PLCE1: variants seen among roughly 807,000 people sequenced by gnomAD.
PLCE1 encodes 1-phosphatidylinositol 4,5-bisphosphate phosphodiesterase epsilon-1.
A neutral mutation model predicts 242.8 loss-of-function variants in PLCE1; 119 were observed. The observed-to-expected ratio is 0.49, with a 90% CI of 0.42 to 0.57. The LOEUF is 0.57. Ranked by LOEUF, PLCE1 falls within the 20% of genes least tolerant of loss-of-function variation. The pLI is 0.00. For missense variants in PLCE1, 2,441 were observed against 2,788.8 expected, an observed-to-expected ratio of 0.88 and a Z score of 2.81; for synonymous variants, 945 against 1,017.4, an observed-to-expected ratio of 0.93 and a Z score of 1.35.
At chr10:93,997,632 CTTTTTTTTT>C (rs34338995) in intron 1 of PLCE1, among the ~76,000 whole-genome samples, 1 of 79,872 alleles carries the variant, frequency 1.3e-5, no homozygotes, top group Admixed American at 1.5e-4. Context: ...AATAACCATC[CTTTTTTTTT>C]TTTTTTTTTT....
chr10:94,195,061 T>C (rs2048777405), intron 4 of PLCE1, among the ~76,000 whole-genome samples: 1 of 152,172 alleles, frequency 6.6e-6, no homozygotes, highest in African/African-American at 2.4e-5. Context: ...AGGAACTTTA[T>C]CTAAAGTAAA....
At chr10:94,272,130 A>G (rs2051768501) in intron 18 of PLCE1, among the ~76,000 whole-genome samples, 1 of 152,180 alleles carries the variant, frequency 6.6e-6, no homozygotes, top group Admixed American at 6.5e-5. Context: ...CCTCAAATTT[A>G]CCAGGGCTGG....
intron 4 of PLCE1, among the ~76,000 whole-genome samples, chr10:94,216,542 G>A (rs2049535571): frequency 1.3e-5 from 2 of 152,136 alleles, no homozygotes; most frequent in South Asian, 2.1e-4. Flanking sequence ...CAGCAGCTTG[G>A]GGTGAGGTTT....
Position 94,298,272 on chromosome 10 carries a change from G to T in PLCE1, c.5168-107G>T. 6 of 971,994 alleles carry T rather than the reference G, an allele frequency of 6.2e-6. No homozygotes were observed. The highest frequency in any genetic ancestry group is 9.7e-6 in the Non-Finnish European group (6 of 619,636). 60.2% of individuals were successfully genotyped at this position (971,994 alleles called of 1,614,324 possible). A position where few individuals can be genotyped will look rare whatever the true frequency, so the allele number is the denominator to read the frequency against. On this transcript the variant is annotated intron_variant, in intron 23 of 32. Transcript: ENST00000371380. The surrounding 1 kb of genome is among the most constrained non-coding windows in gnomAD (Gnocchi z 5.2). ...AGTAAAATCCAAGAGGTATTCTGATGTGGTTTATATGCTATGACTGTTTAC... is the reference window on the plus strand; with the variant it reads ...AGTAAAATCCAAGAGGTATTCTGATTTGGTTTATATGCTATGACTGTTTAC...
rs1190677041 is a variant in PLCE1, at chr10:94,284,916, A to T, written c.4986A>T (p.Ala1662=). 1 of 1,612,220 alleles carries T rather than the reference A, an allele frequency of 6.2e-7. No individual in the cohort carries two copies. Among genetic ancestry groups the T allele is most frequent in the Non-Finnish European group, 8.5e-7 (1 of 1,178,396 alleles). The part of the protein sequence containing the change: ...DQNKKESRQI[A]PELSDLVIYC... ...ATAAAAAGGAAAGCAGACAGATTGC[A>T]CCAGAGCTTTCTGACCTTGTAATCT... The change falls in exon 22 of 33, where the codon GCA becomes GCT. Residue 1662 remains alanine (A), a synonymous_variant. Transcript: ENST00000371380.
At position 94,298,391 on chromosome 10, in the gene PLCE1, G is replaced by A. The variant is rs2052916640; in HGVS notation, c.5180G>A (p.Gly1727Asp). 15 of 1,614,004 alleles carry A rather than the reference G, an allele frequency of 9.3e-6. No homozygotes were observed. The highest frequency in any genetic ancestry group is 1.3e-5 in the Non-Finnish European group (15 of 1,179,954). ...TTGGGGGGTTTAGGTTCCTGTGAAG[G>A]CATTCGACAGACCTGGGAGGAATCT... ...NKTSGKSSCE[G>D]IRQTWEESSS... is the part of the protein sequence containing the mutation. The change falls in exon 24 of 33, where the codon GGC (glycine) becomes GAC (aspartate). Residue 1727 changes from glycine to aspartate, a missense_variant. Transcript: ENST00000371380. The surrounding 1 kb of genome is among the most constrained non-coding windows in gnomAD (Gnocchi z 5.2).
At chr10:94,099,718 C>A (rs1019915637) in intron 2 of PLCE1, 4 of 152,132 alleles carry the variant, frequency 2.6e-5, no homozygotes, top group Non-Finnish European at 5.9e-5. Context: ...ACAGAACCAT[C>A]TATAAACATA....
At chr10:94,165,513 G>A (rs2047768322) in intron 3 of PLCE1, among the ~76,000 whole-genome samples, 1 of 152,090 alleles carries the variant, frequency 6.6e-6, no homozygotes, top group Admixed American at 6.5e-5. Flanking sequence ...CTCACACTGG[G>A]AGCTGTAGAC....
chr10:94,258,630 G>C (rs2051186068), intron 11 of PLCE1, among the ~76,000 whole-genome samples, 170 bp from the exon 12 acceptor site: 1 of 152,172 alleles, frequency 6.6e-6, no homozygotes, highest in African/African-American at 2.4e-5. Context: ...TATTTCCTCT[G>C]ATACAATATA....
At chr10:94,227,646 G>T (rs998817252) in intron 5 of PLCE1, among the ~76,000 whole-genome samples, 195 bp downstream of exon 5, 2 of 152,192 alleles carry the variant, frequency 1.3e-5, no homozygotes, top group African/African-American at 4.8e-5. Flanking sequence ...GCCCCTGTGG[G>T]CCAGTCACAA....
chr10:94,013,386 C>G (rs2061210957), intron 1 of PLCE1, among the ~76,000 whole-genome samples: 1 of 152,154 alleles, frequency 6.6e-6, no homozygotes, highest in South Asian at 2.1e-4. Context: ...TTGTGAACTG[C>G]CCCCCTCCCT....
intron 7 of PLCE1, among the ~76,000 whole-genome samples, chr10:94,239,800 TACCAGGATTA>T (rs1409177586): frequency 1.3e-5 from 2 of 152,120 alleles, no homozygotes; most frequent in Non-Finnish European, 1.5e-5. Context: ...AGATAATAGT[TACCAGGATTA>T]ACCACACACA....
At chr10:94,117,396 G>C (rs79774429) in intron 2 of PLCE1, among the ~76,000 whole-genome samples, 4,609 of 152,180 alleles carry the variant, frequency 0.03, 240 homozygotes, top group African/African-American at 0.1. Flanking sequence ...TGTCTTCTTT[G>C]ACTCCTACCA....
At chr10:94,254,794 G>C in intron 10 of PLCE1, 99 bp from the exon 11 acceptor site, 2 of 1,326,060 alleles carry the variant, frequency 1.5e-6, no homozygotes, top group Non-Finnish European at 2.2e-6. Flanking sequence ...TGCATAGGTT[G>C]ATTTGCTCAG....
chr10:94,257,436 T>C (rs930245890), intron 11 of PLCE1, among the ~76,000 whole-genome samples: 1 of 152,036 alleles, frequency 6.6e-6, no homozygotes, highest in East Asian at 1.9e-4. Context: ...ACCCAAAGGA[T>C]TATAAATCAT....
chr10:94,219,516 T>C (rs1399244835), intron 4 of PLCE1, among the ~76,000 whole-genome samples: 1 of 152,214 alleles, frequency 6.6e-6, no homozygotes, highest in Non-Finnish European at 1.5e-5. Context: ...CTTTTCCTGA[T>C]AGCTTCAGTA....
chr10:93,998,076 A>G (rs554537904), intron 1 of PLCE1, among the ~76,000 whole-genome samples: 1 of 152,336 alleles, frequency 6.6e-6, no homozygotes, highest in South Asian at 2.1e-4. Context: ...AATCTGACTC[A>G]GTCGGAAGTC....
intron 2 of PLCE1, among the ~76,000 whole-genome samples, chr10:94,060,055 A>T (rs1284494870): frequency 1.3e-5 from 2 of 152,232 alleles, no homozygotes. Flanking sequence ...CAATATCCAC[A>T]TGGACAGGTC....
chr10:94,030,316 G>A (rs1345571420), intron 1 of PLCE1, among the ~76,000 whole-genome samples: 1 of 151,558 alleles, frequency 6.6e-6, no homozygotes, highest in African/African-American at 2.4e-5. Context: ...TTGCCTTGTT[G>A]CCTGGAAACT....
Sources: allele counts gnomAD v4.1 joint callset (sites outside exome capture counted in the v4.1 genomes callset), GRCh38; gene constraint gnomAD v4.1.1; non-coding constraint Gnocchi (gnomAD v3.1); transcripts MANE v1.5; gene names NCBI Gene and HGNC (gene_info 2026-07-23, HGNC 2026-07-21).